ATP8A1: variants seen among roughly 807,000 people sequenced by gnomAD.
The protein encoded by ATP8A1 is ATPase phospholipid transporting 8A1.
ATP8A1 carries 90 observed loss-of-function variants against 177.7 expected under a neutral mutation model. That is an observed-to-expected ratio of 0.51 (90% CI 0.43 to 0.60). The LOEUF (loss-of-function observed/expected upper bound fraction) is 0.60, where lower values mean the gene tolerates loss of function less well. Among genes scored for constraint, ATP8A1 ranks in the 20% least tolerant of loss-of-function variants. The pLI, the probability that ATP8A1 is intolerant of heterozygous loss-of-function variation, is 0.00. For synonymous variants in ATP8A1, 493 were observed against 485.9 expected (o/e 1.01, Z -0.19); for missense variants, 1,072 against 1,392.8 (o/e 0.77, Z 3.67).
chr4:42,491,857 A>C (rs1454247178), intron 24 of ATP8A1, among the ~76,000 whole-genome samples: 1 of 152,198 alleles, frequency 6.6e-6, no homozygotes, highest in Non-Finnish European at 1.5e-5. Flanking sequence ...AACAAATCCA[A>C]GCAACACCCT....
rs1560488179 is a variant in ATP8A1 at position 42,585,497 on chromosome 4, G to GTGAACCTTACAAAAGAGGT, written c.722+851_722+852insACCTCTTTTGTAAGGTTCA. On this transcript the variant is annotated intron_variant, in intron 9 of 36. Transcript: ENST00000381668. Reference sequence around the variant, plus strand: ...ATGCCCTTACAAAAGAGGTCCGAGAGCCTCCGCCATGTGAAGACACATACT... The same window carrying GTGAACCTTACAAAAGAGGT: ...ATGCCCTTACAAAAGAGGTCCGAGAGTGAACCTTACAAAAGAGGTCCTCCGCCATGTGAAGACACATACT... 7.4e-3 allele frequency among the ~76,000 whole-genome samples: 1,089 copies of GTGAACCTTACAAAAGAGGT among 146,958 alleles called. 15 individuals are homozygous for GTGAACCTTACAAAAGAGGT. The highest frequency in any genetic ancestry group is 0.026 in the African/African-American group (1,032 of 39,290).
At chr4:42,466,444 G>A (rs963076806) in intron 25 of ATP8A1, among the ~76,000 whole-genome samples, 21 of 152,154 alleles carry the variant, frequency 1.4e-4, no homozygotes, top group Non-Finnish European at 7.3e-5. Flanking sequence ...ACAAATATGT[G>A]CCTTCAGGAG....
chr4:42,587,707 C>T (rs1012013141), intron 8 of ATP8A1, among the ~76,000 whole-genome samples: 8 of 151,170 alleles, frequency 5.3e-5, no homozygotes, highest in Non-Finnish European at 7.4e-5. Flanking sequence ...CCCGGGTTCA[C>T]GCCCTTCTCC....
At chr4:42,586,539 G>T in intron 8 of ATP8A1, 63 bp from the exon 9 acceptor site, 2 of 1,499,010 alleles carry the variant, frequency 1.3e-6, no homozygotes, top group Non-Finnish European at 1.8e-6. Flanking sequence ...GCAAAGAGGA[G>T]GAATTTTGAA....
chr4:42,453,238 G>C (rs994559941), intron 29 of ATP8A1, among the ~76,000 whole-genome samples: 1 of 152,242 alleles, frequency 6.6e-6, no homozygotes, highest in African/African-American at 2.4e-5. Context: ...ATCATTCAGG[G>C]CAACAATGCT....
At chr4:42,532,481 A>G (rs1727372160) in intron 20 of ATP8A1, among the ~76,000 whole-genome samples, 1 of 151,520 alleles carries the variant, frequency 6.6e-6, no homozygotes, top group Non-Finnish European at 1.5e-5. Context: ...CTCCATCTCA[A>G]AAAAAAAATA....
intron 24 of ATP8A1, among the ~76,000 whole-genome samples, chr4:42,490,367 C>T (rs1033436215): frequency 6.6e-6 from 1 of 152,174 alleles, no homozygotes; most frequent in Admixed American, 6.5e-5. Context: ...ACTCCAGCTC[C>T]CTCTTCTTAT....
chr4:42,430,480 C>CTTT (rs368443741), intron 33 of ATP8A1, among the ~76,000 whole-genome samples: 31 of 145,600 alleles, frequency 2.1e-4, no homozygotes, highest in South Asian at 1.5e-3. Flanking sequence ...TCGCTAGTGC[C>CTTT]TTTTTTTTTT....
chr4:42,538,433 AAGCAC>A (rs1294275891), intron 20 of ATP8A1, among the ~76,000 whole-genome samples: 1 of 151,684 alleles, frequency 6.6e-6, no homozygotes. Context: ...TTAAACTAAA[AAGCAC>A]AGCAAAAAAT....
chr4:42,613,561 C>T (rs1736588081), intron 5 of ATP8A1, among the ~76,000 whole-genome samples: 1 of 143,418 alleles, frequency 7.0e-6, no homozygotes, highest in Admixed American at 6.9e-5. Context: ...TATTTTTAAA[C>T]TTGTATTTTT....
At chr4:42,414,434 TTAAC>T (rs1712989789) in intron 36 of ATP8A1, among the ~76,000 whole-genome samples, 189 bp downstream of exon 36, 1 of 152,236 alleles carries the variant, frequency 6.6e-6, no homozygotes, top group Non-Finnish European at 1.5e-5. Flanking sequence ...GATTTTAAAA[TTAAC>T]TATCTCTTCT....
chr4:42,567,303 C>T (rs1324732688), intron 15 of ATP8A1, among the ~76,000 whole-genome samples: 1 of 152,152 alleles, frequency 6.6e-6, no homozygotes, highest in Non-Finnish European at 1.5e-5. Flanking sequence ...CTTTGGGAGG[C>T]TGAGGCGGGC....
At chr4:42,637,270 C>A (rs1739492214) in intron 1 of ATP8A1, 2 of 512,150 alleles carry the variant, frequency 3.9e-6, no homozygotes, top group Non-Finnish European at 7.8e-6. Context: ...TGGATCAGAT[C>A]TCTTCTGATG....
chr4:42,433,025 A>G (rs1458973261), intron 33 of ATP8A1, among the ~76,000 whole-genome samples: 1 of 152,182 alleles, frequency 6.6e-6, no homozygotes, highest in Non-Finnish European at 1.5e-5. Flanking sequence ...AATACTGTAT[A>G]TTCTGTAATG....
chr4:42,571,463 A>AT (rs5857852), intron 14 of ATP8A1, among the ~76,000 whole-genome samples: 44,525 of 142,686 alleles, frequency 0.31, 6,869 homozygotes, highest in African/African-American at 0.36. Context: ...AAAGGTCTAA[A>AT]TTTTTTTTTT....
At position 42,492,782 on chromosome 4, in the gene ATP8A1, G is replaced by C. The variant is rs147949971; in HGVS notation, c.2152-7114C>G. ...CAGTTAAACAAATAAGCATATGATC[G>C]GAACTAACAACAAATCACTTTTGGA... On this transcript the variant is annotated intron_variant, in intron 24 of 36. Transcript: ENST00000381668. Among the ~76,000 whole-genome samples the C allele has an allele frequency of 1.5e-4, 23 of 152,212 alleles. No individual in the cohort carries two copies. In the East Asian group the frequency reaches 4.1e-3, roughly 27 times the overall value.
At chr4:42,544,916 C>G (rs371078830) in intron 19 of ATP8A1, among the ~76,000 whole-genome samples, 8 of 152,238 alleles carry the variant, frequency 5.3e-5, no homozygotes, top group Non-Finnish European at 1.0e-4. Flanking sequence ...AATTCTAGCA[C>G]TTTGGGAGGC....
chr4:42,578,197 T>C lies in ATP8A1; in HGVS notation c.1128+63A>G. On this transcript the variant is annotated intron_variant, in intron 12 of 36. Coordinates refer to ENST00000381668, the MANE Select transcript of ATP8A1 (RefSeq NM_006095.2). The stretch of plus-strand genomic sequence containing the variant: ...AATTAAAACCTTTTTTCTCCTGAGA[T>C]ATCAAAATATCCTAAGGACAAAATT... The C allele has an allele frequency of 3.5e-6, 5 of 1,417,150 alleles. No homozygotes were observed. The South Asian group carries it at 7.6e-5, about 22-fold the overall frequency. The allele number at this position is 1,417,150 out of a possible 1,614,324, so 87.8% of individuals were successfully genotyped here.
chr4:42,503,538 TA>T, intron 23 of ATP8A1, 24 bp from the exon 24 acceptor site: 2 of 1,452,450 alleles, frequency 1.4e-6, no homozygotes, highest in African/African-American at 1.4e-5. Flanking sequence ...CAGAGTATAT[TA>T]AAATTAATTT....
Sources: allele counts gnomAD v4.1 joint callset (sites outside exome capture counted in the v4.1 genomes callset), GRCh38; gene constraint gnomAD v4.1.1; transcripts MANE v1.5; gene names NCBI Gene and HGNC (gene_info 2026-07-23, HGNC 2026-07-21).